The following SEC14L1 variants were observed in gnomAD, a reference collection of about 807,000 sequenced individuals.
SEC14L1 encodes the protein SEC14 like lipid binding 1.
Under a neutral mutation model 85.3 loss-of-function variants are expected in SEC14L1, and 48 were observed. The ratio of observed to expected loss-of-function variants is 0.56; its 90% CI spans 0.45 to 0.72. The LOEUF (loss-of-function observed/expected upper bound fraction) is 0.72, where lower values mean the gene tolerates loss of function less well. Ranked by LOEUF, SEC14L1 falls within the 30% of genes least tolerant of loss-of-function variation. SEC14L1 has a pLI of 0.00. For missense variants in SEC14L1, 682 were observed against 921.4 expected, an observed-to-expected ratio of 0.74 and a Z score of 3.36; for synonymous variants, 391 against 355.5, an observed-to-expected ratio of 1.10 and a Z score of -1.12.
At chr17:77,186,050 A>G (rs1975250968) in intron 3 of SEC14L1, among the ~76,000 whole-genome samples, 1 of 152,224 alleles carries the variant, frequency 6.6e-6, no homozygotes, top group Admixed American at 6.5e-5. Flanking sequence ...ATAATTGGCT[A>G]CCACATGTGG....
chr17:77,140,358 G>A (rs953143173), upstream of SEC14L1, among the ~76,000 whole-genome samples: 10 of 152,208 alleles, frequency 6.6e-5, no homozygotes, highest in Non-Finnish European at 1.5e-4. Flanking sequence ...GGGCTCACCC[G>A]GGCCCTCCCG....
intron 10 of SEC14L1, among the ~76,000 whole-genome samples, chr17:77,204,522 CTTTTTTT>C (rs745921636): frequency 4.7e-5 from 4 of 84,726 alleles, no homozygotes; most frequent in South Asian, 4.5e-4. Context: ...GCCCAGCCAG[CTTTTTTT>C]TTTTTTTTTT....
intron 3 of SEC14L1, among the ~76,000 whole-genome samples, chr17:77,134,688 G>A (rs1246925621): frequency 6.6e-6 from 1 of 152,168 alleles, no homozygotes; most frequent in Non-Finnish European, 1.5e-5. Context: ...CCGAGATTGT[G>A]CCACTGCACG....
intron 3 of SEC14L1, among the ~76,000 whole-genome samples, chr17:77,118,478 C>A (rs991706054): frequency 2.0e-5 from 3 of 152,268 alleles, no homozygotes; most frequent in East Asian, 3.9e-4. Flanking sequence ...ATTAATGAGA[C>A]CTTGTAGTCT....
chr17:77,090,305 A>AAAAAAAAAG (rs1971480457), intron 2 of SEC14L1, among the ~76,000 whole-genome samples: 1 of 151,362 alleles, frequency 6.6e-6, no homozygotes, highest in Admixed American at 6.6e-5. Context: ...AAAAAAAAAA[A>AAAAAAAAAG]GGGCATAATT....
At chr17:77,112,499 C>T (rs1275030256) in intron 3 of SEC14L1, among the ~76,000 whole-genome samples, 2 of 152,092 alleles carry the variant, frequency 1.3e-5, no homozygotes, top group Non-Finnish European at 2.9e-5. Flanking sequence ...TCTATATTGA[C>T]GTCTTTGCAA....
In SEC14L1 at chr17:77,216,480, T is replaced by A; in HGVS notation, c.*2457T>A. On this transcript the variant is annotated 3_prime_UTR_variant, in exon 17 of 17. Transcript: ENST00000436233. ...CGTCTGTGCTGCTTCCACCTGGTGC[T>A]TCCTGTTCCCAAATCACAAGGGCCT... is the stretch of plus-strand genomic sequence containing the variant. 1 of 1,612,550 alleles carries A rather than the reference T, an allele frequency of 6.2e-7. No individual in the cohort carries two copies. Among genetic ancestry groups the A allele is most frequent in the Non-Finnish European group, 8.5e-7 (1 of 1,179,004 alleles).
At chr17:77,127,672 C>T (rs1265625882) in intron 3 of SEC14L1, among the ~76,000 whole-genome samples, 2 of 152,068 alleles carry the variant, frequency 1.3e-5, no homozygotes, top group Admixed American at 6.5e-5. Flanking sequence ...TTCTAACCAG[C>T]TGTAGAGGGT....
chr17:77,094,044 T>A (rs1301226715), intron 3 of SEC14L1: 1 of 152,402 alleles, frequency 6.6e-6, no homozygotes, highest in South Asian at 2.1e-4. Context: ...ATTTTTTGTT[T>A]GTTTGTTTTT....
At chr17:77,140,708 C>T (rs1972960669), upstream of SEC14L1, 1 of 151,798 alleles carries the variant, frequency 6.6e-6, no homozygotes, top group African/African-American at 2.4e-5. Context: ...TGGGAGGGGC[C>T]ACGAGGACCT....
chr17:77,125,851 A>C (rs1325446325), intron 3 of SEC14L1, among the ~76,000 whole-genome samples: 3 of 152,152 alleles, frequency 2.0e-5, no homozygotes, highest in Admixed American at 2.0e-4. Flanking sequence ...AAGAACTGTG[A>C]GTTCAACAGA....
At chr17:77,090,716 G>A (rs761253718) in intron 2 of SEC14L1, among the ~76,000 whole-genome samples, 7 of 151,990 alleles carry the variant, frequency 4.6e-5, no homozygotes, top group Non-Finnish European at 7.4e-5. Flanking sequence ...AGAGCTGGGC[G>A]CGGTGGCTCA....
At chr17:77,128,589 G>A (rs1972522942) in intron 3 of SEC14L1, among the ~76,000 whole-genome samples, 1 of 151,550 alleles carries the variant, frequency 6.6e-6, no homozygotes, top group African/African-American at 2.4e-5. Context: ...CTCCTGAGTA[G>A]CTGGGATTAC....
At chr17:77,105,279 T>C (rs999948880) in intron 3 of SEC14L1, among the ~76,000 whole-genome samples, 9 of 152,000 alleles carry the variant, frequency 5.9e-5, no homozygotes, top group African/African-American at 1.9e-4. Flanking sequence ...GGTGACTGTC[T>C]TGTTTACCCC....
chr17:77,151,445 C>T (rs935562774), intron 3 of SEC14L1, among the ~76,000 whole-genome samples: 2 of 152,122 alleles, frequency 1.3e-5, no homozygotes, highest in African/African-American at 4.8e-5. Flanking sequence ...TTATGCATTC[C>T]AGTTGGTTTT....
chr17:77,124,232 C>T (rs530101231), intron 3 of SEC14L1, among the ~76,000 whole-genome samples: 3 of 152,284 alleles, frequency 2.0e-5, no homozygotes, highest in South Asian at 2.1e-4. Flanking sequence ...GGCGTGGTGG[C>T]GTGCGCCTAT....
chr17:77,182,182 T>G (rs1188968233), intron 3 of SEC14L1, among the ~76,000 whole-genome samples: 1 of 152,164 alleles, frequency 6.6e-6, no homozygotes, highest in Non-Finnish European at 1.5e-5. Flanking sequence ...GGTAGGCTCT[T>G]TAGGTTGAGT....
At chr17:77,143,846 A>G in intron 3 of SEC14L1, 187 bp downstream of exon 3, 1 of 448,250 alleles carries the variant, frequency 2.2e-6, no homozygotes. Flanking sequence ...GAAAATAAAA[A>G]TCTGCTTATT....
At chr17:77,194,599 A>T in intron 6 of SEC14L1, 78 bp from the exon 7 acceptor site, 1 of 1,237,256 alleles carries the variant, frequency 8.1e-7, no homozygotes, top group Non-Finnish European at 1.1e-6. Flanking sequence ...TTGGCTAGAA[A>T]AAAAGAAAAA....
Sources: allele counts gnomAD v4.1 joint callset (sites outside exome capture counted in the v4.1 genomes callset), GRCh38; gene constraint gnomAD v4.1.1; transcripts MANE v1.5; gene names NCBI Gene and HGNC (gene_info 2026-07-23, HGNC 2026-07-21).